The following MGAT4C variants were observed in gnomAD, a reference collection of about 807,000 sequenced individuals.
The protein encoded by MGAT4C is alpha-1,3-mannosyl-glycoprotein 4-beta-N-acetylglucosaminyltransferase C.
A neutral mutation model predicts 40.1 loss-of-function variants in MGAT4C; 19 were observed. The ratio of observed to expected loss-of-function variants is 0.47; its 90% CI spans 0.33 to 0.70. The LOEUF is 0.70. Ranked by LOEUF, MGAT4C falls within the 30% of genes least tolerant of loss-of-function variation. The pLI, the probability that MGAT4C is intolerant of heterozygous loss-of-function variation, is 0.02. For missense variants in MGAT4C, 491 were observed against 563.2 expected, an observed-to-expected ratio of 0.87 and a Z score of 1.30; for synonymous variants, 181 against 187.1, an observed-to-expected ratio of 0.97 and a Z score of 0.27.
In MGAT4C at chr12:86,155,908, G is replaced by C. The variant is rs150622862; in HGVS notation, c.-57+100331C>G. Among the ~76,000 whole-genome samples, 114 of 152,166 alleles carry C rather than the reference G, an allele frequency of 7.5e-4. 2 individuals are homozygous for C. In the East Asian group the frequency reaches 0.02, roughly 27 times the overall value. On this transcript the variant is annotated intron_variant, in intron 1 of 4. Coordinates refer to ENST00000611864, the MANE Select transcript of MGAT4C (RefSeq NM_001351288.2). ...CATTTTCCAACTCTGTAGGGATGGA[G>C]GCTAACTTACACATTTGCTGTTGCT... is the stretch of plus-strand genomic sequence containing the variant.
intron 1 of MGAT4C, among the ~76,000 whole-genome samples, chr12:86,182,587 C>G (rs997389899): frequency 6.6e-6 from 1 of 150,852 alleles, no homozygotes; most frequent in East Asian, 2.0e-4. Flanking sequence ...CTTCTTTCTT[C>G]TCTCTCTTTA....
intron 3 of MGAT4C, among the ~76,000 whole-genome samples, chr12:86,402,339 T>C (rs543288573): frequency 1.5e-3 from 223 of 152,012 alleles, no homozygotes; most frequent in Middle Eastern, 3.4e-3. Flanking sequence ...GCAGGATAAT[T>C]ACTTGAACCC....
intron 1 of MGAT4C, among the ~76,000 whole-genome samples, chr12:86,173,027 G>C (rs1431246684): frequency 6.6e-6 from 1 of 152,050 alleles, no homozygotes; most frequent in Non-Finnish European, 1.5e-5. Flanking sequence ...AACTGTCACA[G>C]GGATAAATGT....
In MGAT4C at chr12:85,959,625, A is replaced by T. The variant is rs1312714848; in HGVS notation, c.*19664T>A. ...CTTTAAATCTGACCCAGCCACTTGA[A>T]TAAATAAGTTGTGTTGTAGTTTCTC... On this transcript the variant is annotated 3_prime_UTR_variant, in exon 5 of 5. Coordinates refer to ENST00000611864, the MANE Select transcript of MGAT4C (RefSeq NM_001351288.2). The T allele has an allele frequency of 2.0e-5, 3 of 151,932 alleles. No individual in the cohort carries two copies. Among genetic ancestry groups the T allele is most frequent in the Non-Finnish European group, 4.4e-5 (3 of 67,940 alleles). 9.4% of individuals were successfully genotyped at this position (151,932 alleles called of 1,614,324 possible).
Position 86,112,056 on chromosome 12 carries a change from T to C in MGAT4C, c.-56-62333A>G, listed in dbSNP as rs532454374. Among the ~76,000 whole-genome samples the C allele has an allele frequency of 2.7e-4, 41 of 151,906 alleles. 1 individual carries two copies. In the Middle Eastern group the frequency reaches 0.01, roughly 38 times the overall value. ...GTAGAATTCAGAATCTCAATACCTG[T>C]GGGAGCAAGTAAGTATAAGCTAAAT... On this transcript the variant is annotated intron_variant, in intron 1 of 4. Coordinates refer to ENST00000611864, the MANE Select transcript of MGAT4C (RefSeq NM_001351288.2).
At position 85,972,121 on chromosome 12, in the gene MGAT4C, A is replaced by G. The variant is rs1883647315; in HGVS notation, c.*7168T>C. ...CTTGACAATTTGTGACAAATTTTCTAAATGTTTTTCCAAAAATAGTTGGTT... is the reference window on the plus strand; with the variant it reads ...CTTGACAATTTGTGACAAATTTTCTGAATGTTTTTCCAAAAATAGTTGGTT... On this transcript the variant is annotated 3_prime_UTR_variant, in exon 5 of 5. Transcript: ENST00000611864. The G allele has an allele frequency of 2.6e-5, 4 of 151,240 alleles. 1 individual carries two copies. The highest frequency in any genetic ancestry group is 6.8e-3 in the Middle Eastern group (2 of 294). The allele number at this position is 151,240 out of a possible 1,614,324, so 9.4% of individuals were successfully genotyped here.
intron 1 of MGAT4C, among the ~76,000 whole-genome samples, chr12:86,176,429 A>G (rs1218915407): frequency 6.6e-6 from 1 of 152,174 alleles, no homozygotes; most frequent in South Asian, 2.1e-4. Flanking sequence ...GTCCCTGTGC[A>G]TACATATGTC....
At chr12:86,679,222 T>G (rs1211923554) in intron 2 of MGAT4C, among the ~76,000 whole-genome samples, 1 of 152,178 alleles carries the variant, frequency 6.6e-6, no homozygotes, top group Non-Finnish European at 1.5e-5. Flanking sequence ...GCTGCATAAA[T>G]GTCTTCTTTT....
intron 2 of MGAT4C, among the ~76,000 whole-genome samples, chr12:86,507,567 T>C (rs1465732526): frequency 6.6e-6 from 1 of 152,132 alleles, no homozygotes; most frequent in East Asian, 1.9e-4. Flanking sequence ...CAAAGCAGAT[T>C]AGAGACACAG....
chr12:86,754,587 TGAG>T (rs1437180059), intron 1 of MGAT4C, among the ~76,000 whole-genome samples: 1 of 152,118 alleles, frequency 6.6e-6, no homozygotes, highest in African/African-American at 2.4e-5. Context: ...GATTGCAGCC[TGAG>T]AAGAGATATT....
intron 3 of MGAT4C, among the ~76,000 whole-genome samples, chr12:86,421,411 T>A (rs1956823410): frequency 6.6e-6 from 1 of 152,164 alleles, no homozygotes; most frequent in African/African-American, 2.4e-5. Flanking sequence ...AATCTCTTTT[T>A]CCAGAAATAT....
rs535998403 is a variant in MGAT4C at position 86,094,078 on chromosome 12, T to C, written c.-56-44355A>G. Among the ~76,000 whole-genome samples the C allele has an allele frequency of 2.3e-3, 356 of 152,138 alleles. 1 individual carries two copies. Among genetic ancestry groups the C allele is most frequent in the Middle Eastern group, 3.4e-3 (1 of 294 alleles). On this transcript the variant is annotated intron_variant, in intron 1 of 4. Coordinates refer to ENST00000611864, the MANE Select transcript of MGAT4C (RefSeq NM_001351288.2). The stretch of plus-strand genomic sequence containing the variant: ...TAGAGATTGTGTAAAATATGTTCAA[T>C]GAGGGAAATGAAAAAGGGGAAAACA...
chr12:86,434,029 T>C (rs1036522822), intron 3 of MGAT4C, among the ~76,000 whole-genome samples: 1 of 152,048 alleles, frequency 6.6e-6, no homozygotes, highest in Non-Finnish European at 1.5e-5. Context: ...TGGCAACTTA[T>C]TAGACAGACA....
At chr12:86,234,698 G>A (rs1284353096) in intron 1 of MGAT4C, among the ~76,000 whole-genome samples, 1 of 151,980 alleles carries the variant, frequency 6.6e-6, no homozygotes, top group African/African-American at 2.4e-5. Flanking sequence ...CACATTAGTT[G>A]CTTGAGTTTT....
At chr12:86,642,875 T>C (rs1963431198) in intron 2 of MGAT4C, among the ~76,000 whole-genome samples, 1 of 151,594 alleles carries the variant, frequency 6.6e-6, no homozygotes, top group Non-Finnish European at 1.5e-5. Context: ...GAAGATAAGT[T>C]TTGATGAGGA....
chr12:86,522,417 A>G (rs1958811040), intron 2 of MGAT4C, among the ~76,000 whole-genome samples: 1 of 152,134 alleles, frequency 6.6e-6, no homozygotes, highest in Admixed American at 6.5e-5. Flanking sequence ...TGATTTGCAT[A>G]TGTTGAACCA....
intron 3 of MGAT4C, among the ~76,000 whole-genome samples, chr12:86,375,738 T>C (rs1592759847): frequency 6.6e-6 from 1 of 152,092 alleles, no homozygotes; most frequent in East Asian, 1.9e-4. Flanking sequence ...AAATAAGCCC[T>C]GAAGCAAAAG....
At chr12:86,631,179 T>C (rs1210246621) in intron 2 of MGAT4C, among the ~76,000 whole-genome samples, 2 of 152,006 alleles carry the variant, frequency 1.3e-5, no homozygotes, top group Non-Finnish European at 2.9e-5. Context: ...ATAAAATACC[T>C]AGGAATCCAA....
At chr12:86,323,147 G>A (rs1040938014) in intron 4 of MGAT4C, among the ~76,000 whole-genome samples, 4 of 148,636 alleles carry the variant, frequency 2.7e-5, no homozygotes, top group Non-Finnish European at 6.0e-5. Flanking sequence ...TTTTTTTAAT[G>A]TTAACTATAC....
Sources: allele counts gnomAD v4.1 joint callset (sites outside exome capture counted in the v4.1 genomes callset), GRCh38; gene constraint gnomAD v4.1.1; transcripts MANE v1.5; gene names NCBI Gene and HGNC (gene_info 2026-07-23, HGNC 2026-07-21).